Variants in DPP8 observed in about 807,000 individuals in gnomAD.
DPP8 encodes the protein DPP VIII.
DPP8 carries 31 observed loss-of-function variants against 107.5 expected under a neutral mutation model. The ratio of observed to expected loss-of-function variants is 0.29; its 90% confidence interval spans 0.22 to 0.39. DPP8 has a LOEUF of 0.39. DPP8 is among the 10% of genes least tolerant of loss of function. The pLI is 1.00. For missense variants in DPP8, 842 were observed against 1,076.1 expected (o/e 0.78, Z 3.04); for synonymous variants, 381 against 356.6 (o/e 1.07, Z -0.77).
At chr15:65,500,470 G>T in intron 4 of DPP8, 136 bp downstream of exon 4, 2 of 668,802 alleles carry the variant, frequency 3.0e-6, no homozygotes. Context: ...CATGTTTCTT[G>T]TTTTCATTGC....
intron 17 of DPP8, among the ~76,000 whole-genome samples, chr15:65,453,715 T>G (rs1264126032): frequency 6.6e-6 from 1 of 151,662 alleles, no homozygotes; most frequent in Non-Finnish European, 1.5e-5. Flanking sequence ...AGACTCCGTC[T>G]CAAAACAAAA....
intron 17 of DPP8, 35 bp downstream of exon 17, chr15:65,454,228 T>C: frequency 7.0e-7 from 1 of 1,422,172 alleles, no homozygotes. Context: ...AATCTACCCT[T>C]ATTGCAAAAA....
chr15:65,456,736 CAGACATCAGATA>C (rs2064453006), intron 15 of DPP8, among the ~76,000 whole-genome samples: 1 of 152,166 alleles, frequency 6.6e-6, no homozygotes. Context: ...TCCTCCCCAT[CAGACATCAGATA>C]TGACTGCTGC....
At chr15:65,488,112 T>C (rs970573575) in intron 6 of DPP8, among the ~76,000 whole-genome samples, 7 of 152,168 alleles carry the variant, frequency 4.6e-5, no homozygotes, top group African/African-American at 1.7e-4. Flanking sequence ...CATTCTTTGT[T>C]GAAAAATGAA....
chr15:65,451,852 G>C (rs1245394315), intron 18 of DPP8, 108 bp downstream of exon 18: 1 of 1,141,998 alleles, frequency 8.8e-7, no homozygotes, highest in Non-Finnish European at 1.2e-6. Context: ...CTGAGCCCAG[G>C]AGTTTGACGC....
intron 3 of DPP8, among the ~76,000 whole-genome samples, chr15:65,505,827 G>C (rs2069897269): frequency 6.6e-6 from 1 of 151,936 alleles, no homozygotes; most frequent in Non-Finnish European, 1.5e-5. Context: ...GTGTGCACCT[G>C]TAATCCCAGC....
At chr15:65,461,235 C>T (rs1030537358) in intron 15 of DPP8, among the ~76,000 whole-genome samples, 1 of 152,036 alleles carries the variant, frequency 6.6e-6, no homozygotes, top group Non-Finnish European at 1.5e-5. Context: ...ACCTCGAACT[C>T]CTGGGCTCAG....
chr15:65,474,400 TA>T, intron 11 of DPP8, 112 bp from the exon 12 acceptor site: 2 of 754,618 alleles, frequency 2.7e-6, no homozygotes, highest in Non-Finnish European at 2.2e-6. Flanking sequence ...TTTGGGGTAA[TA>T]AAAATGTTTT....
chr15:65,510,305 C>G (rs2141096596), intron 2 of DPP8, among the ~76,000 whole-genome samples: 1 of 151,966 alleles, frequency 6.6e-6, no homozygotes, highest in South Asian at 2.1e-4. Context: ...GACTGAGACC[C>G]CGTCTCAAAA....
intron 1 of DPP8, among the ~76,000 whole-genome samples, chr15:65,514,226 T>C (rs1394278540): frequency 6.6e-6 from 1 of 152,216 alleles, no homozygotes; most frequent in Non-Finnish European, 1.5e-5. Flanking sequence ...CCATTTTCAA[T>C]ATAACAGTAA....
chr15:65,516,037 G>A (rs149309716), intron 1 of DPP8: 26 of 393,550 alleles, frequency 6.6e-5, no homozygotes, highest in Admixed American at 3.5e-4. Flanking sequence ...AAACTTTGGT[G>A]TCCAGACAAA....
chr15:65,517,064 A>G (rs2071537014), intron 1 of DPP8: 1 of 153,022 alleles, frequency 6.5e-6, no homozygotes, highest in Admixed American at 6.5e-5. Flanking sequence ...CTGAAAAACC[A>G]GAAAATCTGA....
intron 11 of DPP8, among the ~76,000 whole-genome samples, chr15:65,475,895 C>T (rs900674818): frequency 2.0e-5 from 3 of 152,134 alleles, no homozygotes; most frequent in Admixed American, 1.3e-4. Flanking sequence ...ACTACAGGCT[C>T]ATGCCACCAC....
At chr15:65,463,929 A>G in intron 14 of DPP8, 23 bp from the exon 15 acceptor site, 1 of 1,501,934 alleles carries the variant, frequency 6.7e-7, no homozygotes, top group South Asian at 1.4e-5. Context: ...AACATAACAG[A>G]GTCTACAAAA....
chr15:65,508,118 T>C (rs546121388), intron 2 of DPP8, among the ~76,000 whole-genome samples: 1 of 152,046 alleles, frequency 6.6e-6, no homozygotes, highest in Admixed American at 6.6e-5. Flanking sequence ...CACGTGCCTG[T>C]AATCCCAGCT....
chr15:65,471,263 T>A (rs2065870010), intron 12 of DPP8, among the ~76,000 whole-genome samples: 1 of 151,842 alleles, frequency 6.6e-6, no homozygotes, highest in Non-Finnish European at 1.5e-5. Context: ...CAGAAAAAAA[T>A]TATTTGGATA....
intron 11 of DPP8, among the ~76,000 whole-genome samples, chr15:65,474,836 C>A (rs939157481): frequency 6.6e-6 from 1 of 152,124 alleles, no homozygotes; most frequent in African/African-American, 2.4e-5. Context: ...TAAAAAAAAT[C>A]CAAGTTATGA....
chr15:65,466,104 ATT>A (rs981534126), intron 14 of DPP8, among the ~76,000 whole-genome samples: 29 of 152,198 alleles, frequency 1.9e-4, no homozygotes, highest in African/African-American at 6.7e-4. Context: ...TTGTGAATAA[ATT>A]GTTTCCTAGC....
chr15:65,447,033 C>CAA (rs71817756), intron 19 of DPP8, 27 bp from the exon 20 acceptor site: 1,323 of 1,175,910 alleles, frequency 1.1e-3, no homozygotes, highest in African/African-American at 4.5e-3. Context: ...AATAAAGATA[C>CAA]AAAAAAAAAA....
Sources: gnomAD v4.1 joint callset for allele counts (sites outside exome capture counted in the v4.1 genomes callset) on GRCh38, gnomAD v4.1.1 for gene constraint, MANE v1.5 for transcripts, NCBI Gene and HGNC (gene_info 2026-07-23, HGNC 2026-07-21) for gene names.